Variants in NLGN1 observed in about 807,000 individuals in gnomAD.
NLGN1 encodes the protein neuroligin-1.
NLGN1 carries 12 observed loss-of-function variants against 65.5 expected under a neutral mutation model. The ratio of observed to expected loss-of-function variants is 0.18; its 90% confidence interval spans 0.12 to 0.30. The LOEUF is 0.30. NLGN1 is among the 10% of genes least tolerant of loss of function. The pLI, the probability that NLGN1 is intolerant of heterozygous loss-of-function variation, is 1.00. For synonymous variants in NLGN1, 350 were observed against 359.5 expected (o/e 0.97, Z 0.30); for missense variants, 750 against 1,007.1 (o/e 0.74, Z 3.46).
chr3:173,862,316 C>T (rs1729270077), intron 4 of NLGN1, among the ~76,000 whole-genome samples: 1 of 151,026 alleles, frequency 6.6e-6, no homozygotes, highest in African/African-American at 2.4e-5. Context: ...ACCATCCCGG[C>T]TAAAACGGTG....
chr3:174,201,669 AAAAGG>A (rs1734541108), intron 4 of NLGN1, among the ~76,000 whole-genome samples: 1 of 150,322 alleles, frequency 6.7e-6, no homozygotes, highest in Non-Finnish European at 1.5e-5. Flanking sequence ...GCTTAAATAT[AAAAGG>A]AGAGGGCAAT....
At chr3:173,928,909 GATTC>G (rs1273174338) in intron 4 of NLGN1, among the ~76,000 whole-genome samples, 3 of 151,904 alleles carry the variant, frequency 2.0e-5, no homozygotes, top group Non-Finnish European at 4.4e-5. Flanking sequence ...GACCTCAAGT[GATTC>G]ACCTGCCTAG....
At chr3:174,275,666 GTT>G (rs1311622564) in intron 5 of NLGN1, 139 bp downstream of exon 5, 2 of 618,688 alleles carry the variant, frequency 3.2e-6, no homozygotes, top group Non-Finnish European at 5.6e-6. Context: ...TGTTTCTTCA[GTT>G]TTTCTGTGCA....
chr3:173,547,752 G>A (rs1740138982), intron 2 of NLGN1, among the ~76,000 whole-genome samples: 1 of 152,016 alleles, frequency 6.6e-6, no homozygotes, highest in Non-Finnish European at 1.5e-5. Context: ...TTCTTCCCAG[G>A]CTATCAGCAA....
chr3:174,142,108 T>C (rs1042946151), intron 4 of NLGN1, among the ~76,000 whole-genome samples: 3 of 152,286 alleles, frequency 2.0e-5, no homozygotes, highest in Non-Finnish European at 4.4e-5. Context: ...CCTAATTATT[T>C]TACCACATAT....
At chr3:173,554,036 G>T (rs960114922) in intron 2 of NLGN1, among the ~76,000 whole-genome samples, 1 of 152,118 alleles carries the variant, frequency 6.6e-6, no homozygotes, top group African/African-American at 2.4e-5. Context: ...ATTTATTTTT[G>T]ATTATCTTTG....
At chr3:173,719,921 C>G (rs1770542986) in intron 3 of NLGN1, among the ~76,000 whole-genome samples, 1 of 152,042 alleles carries the variant, frequency 6.6e-6, no homozygotes, top group Non-Finnish European at 1.5e-5. Flanking sequence ...TTCAGACCAG[C>G]CTGGACAACA....
intron 2 of NLGN1, among the ~76,000 whole-genome samples, chr3:173,464,850 A>G (rs1288413910): frequency 4.6e-5 from 7 of 150,716 alleles, no homozygotes; most frequent in Non-Finnish European, 7.4e-5. Flanking sequence ...CAAATGACCT[A>G]TTTATCTCTA....
intron 3 of NLGN1, among the ~76,000 whole-genome samples, chr3:173,723,084 A>C (rs1421122135): frequency 2.0e-5 from 3 of 152,162 alleles, no homozygotes; most frequent in South Asian, 4.1e-4. Context: ...GCAGAGGCAA[A>C]GGCTGTGTGA....
chr3:173,738,059 A>G (rs1293786787), intron 3 of NLGN1, among the ~76,000 whole-genome samples: 4 of 152,086 alleles, frequency 2.6e-5, no homozygotes, highest in Admixed American at 2.6e-4. Flanking sequence ...TCTTTGGAGC[A>G]AAGCCTATTT....
At position 173,861,929 on chromosome 3, in the gene NLGN1, T is replaced by G. The variant is rs188855354; in HGVS notation, c.646+54097T>G. 3.6e-3 allele frequency among the ~76,000 whole-genome samples: 531 copies of G among 149,138 alleles called. 1 individual carries two copies. The highest frequency in any genetic ancestry group is 5.9e-3 in the Non-Finnish European group (395 of 66,990). ...GCACACCACCACACCCAACTAATTTTTGTGTGTGTGTGTATTTTTAGTAGA... is the reference window on the plus strand; with the variant it reads ...GCACACCACCACACCCAACTAATTTGTGTGTGTGTGTGTATTTTTAGTAGA... On this transcript the variant is annotated intron_variant, in intron 4 of 6. Transcript: ENST00000457714.
At chr3:173,760,056 T>C (rs1220892649) in intron 3 of NLGN1, among the ~76,000 whole-genome samples, 1 of 152,002 alleles carries the variant, frequency 6.6e-6, no homozygotes, top group African/African-American at 2.4e-5. Flanking sequence ...CAAAATATAC[T>C]GTGCTCTATT....
intron 4 of NLGN1, among the ~76,000 whole-genome samples, chr3:174,107,007 CACACACACACAG>C (rs1413448448): frequency 1.4e-4 from 17 of 120,494 alleles, no homozygotes; most frequent in South Asian, 5.5e-4. Flanking sequence ...CACACACACA[CACACACACACAG>C]AGAGAGAGAG....
chr3:173,953,801 C>T (rs868582931), intron 4 of NLGN1, among the ~76,000 whole-genome samples: 6 of 152,148 alleles, frequency 3.9e-5, no homozygotes, highest in Non-Finnish European at 5.9e-5. Flanking sequence ...ACCTTGGCCT[C>T]CCAGGTGCTG....
chr3:173,587,998 A>G (rs1428006951), intron 2 of NLGN1, among the ~76,000 whole-genome samples: 1 of 152,220 alleles, frequency 6.6e-6, no homozygotes, highest in African/African-American at 2.4e-5. Context: ...GATAAGGGCA[A>G]TTATTTTTAA....
intron 4 of NLGN1, among the ~76,000 whole-genome samples, chr3:174,181,339 A>G (rs545642917): frequency 3.9e-4 from 59 of 152,234 alleles, no homozygotes; most frequent in Non-Finnish European, 6.8e-4. Context: ...TTAGGCTTTA[A>G]TGACTCATTG....
intron 2 of NLGN1, among the ~76,000 whole-genome samples, chr3:173,456,245 A>G (rs80285127): frequency 0.028 from 4,228 of 152,264 alleles, 207 homozygotes; most frequent in African/African-American, 0.094. Flanking sequence ...AGCTCTAAGA[A>G]GAGAGTAAAG....
chr3:173,464,883 A>ATT (rs34955608), intron 2 of NLGN1, among the ~76,000 whole-genome samples: 7 of 151,544 alleles, frequency 4.6e-5, no homozygotes, highest in East Asian at 3.9e-4. Flanking sequence ...TTTGTGGACT[A>ATT]TTTTTTTTCT....
At chr3:173,722,929 A>G (rs972986683) in intron 3 of NLGN1, among the ~76,000 whole-genome samples, 1 of 152,206 alleles carries the variant, frequency 6.6e-6, no homozygotes, top group Non-Finnish European at 1.5e-5. Flanking sequence ...TGGAAAAATT[A>G]ATTTGAGATG....
Sources: gnomAD v4.1 joint callset for allele counts (sites outside exome capture counted in the v4.1 genomes callset) on GRCh38, gnomAD v4.1.1 for gene constraint, MANE v1.5 for transcripts, NCBI Gene and HGNC (gene_info 2026-07-23, HGNC 2026-07-21) for gene names.